The following RIMBP2 variants were observed in gnomAD, a reference collection of about 807,000 sequenced individuals.
RIMBP2 encodes RIMS-binding protein 2.
RIMBP2 carries 48 observed loss-of-function variants against 118.6 expected under a neutral mutation model. The ratio of observed to expected loss-of-function variants is 0.40; its 90% confidence interval spans 0.32 to 0.51. The LOEUF (loss-of-function observed/expected upper bound fraction) is 0.51. RIMBP2 is among the 20% of genes least tolerant of loss of function. RIMBP2 has a pLI of 0.41. For missense variants in RIMBP2, 1,551 were observed against 1,768.3 expected (o/e 0.88, Z 2.20); for synonymous variants, 762 against 742.9 (o/e 1.03, Z -0.42).
At chr12:130,535,525 A>G (rs1049332187) in intron 2 of RIMBP2, among the ~76,000 whole-genome samples, 2 of 151,702 alleles carry the variant, frequency 1.3e-5, no homozygotes, top group African/African-American at 4.8e-5. Flanking sequence ...CTCTAAAAAT[A>G]ATAATATTAA....
intron 8 of RIMBP2, 145 bp downstream of exon 8, chr12:130,451,050 G>A (rs1342150566): frequency 2.1e-6 from 2 of 938,344 alleles, no homozygotes; most frequent in African/African-American, 1.6e-5. Context: ...TAGGGCAAGG[G>A]AATTAACAGG....
At chr12:130,426,191 G>A (rs2076776199) in intron 15 of RIMBP2, 1 of 152,236 alleles carries the variant, frequency 6.6e-6, no homozygotes, top group African/African-American at 2.4e-5. Context: ...TGCCACGTGA[G>A]AACGTGTGCG....
intron 1 of RIMBP2, among the ~76,000 whole-genome samples, chr12:130,642,506 A>G (rs1052891011): frequency 3.3e-5 from 5 of 152,036 alleles, no homozygotes; most frequent in Admixed American, 2.6e-4. Context: ...GCTGGTCTTG[A>G]ACTCCTGACC....
intron 2 of RIMBP2, among the ~76,000 whole-genome samples, chr12:130,527,487 C>A (rs571369791): frequency 8.2e-6 from 1 of 121,808 alleles, no homozygotes; most frequent in Non-Finnish European, 1.9e-5. Context: ...GCACATGGTG[C>A]TATTTAAAAA....
chr12:130,538,446 TAAGA>T (rs1367236135), intron 2 of RIMBP2, among the ~76,000 whole-genome samples: 1 of 152,018 alleles, frequency 6.6e-6, no homozygotes, highest in Non-Finnish European at 1.5e-5. Flanking sequence ...TGAGATGATT[TAAGA>T]AAGATCACAC....
At chr12:130,533,394 G>C (rs1297485322) in intron 2 of RIMBP2, among the ~76,000 whole-genome samples, 1 of 152,158 alleles carries the variant, frequency 6.6e-6, no homozygotes, top group Non-Finnish European at 1.5e-5. Context: ...TGATGAAAAA[G>C]TCAAAAAATA....
chr12:130,685,959 G>A (rs1426528344), intron 1 of RIMBP2, among the ~76,000 whole-genome samples: 3 of 152,068 alleles, frequency 2.0e-5, no homozygotes, highest in African/African-American at 7.2e-5. Flanking sequence ...ATGAGCCCCA[G>A]AAGGCCCCCA....
intron 1 of RIMBP2, among the ~76,000 whole-genome samples, chr12:130,704,832 C>T (rs2136810174): frequency 6.6e-6 from 1 of 152,266 alleles, no homozygotes; most frequent in African/African-American, 2.4e-5. Flanking sequence ...CAGGTCCTGG[C>T]ATCGCTGCTC....
chr12:130,564,331 G>T (rs78839844), intron 2 of RIMBP2, among the ~76,000 whole-genome samples: 2 of 151,682 alleles, frequency 1.3e-5, no homozygotes, highest in African/African-American at 2.4e-5. Context: ...TCAGCACTGT[G>T]TTTTTTTCCC....
At chr12:130,516,328 C>T (rs937993355) in intron 3 of RIMBP2, among the ~76,000 whole-genome samples, 1 of 152,216 alleles carries the variant, frequency 6.6e-6, no homozygotes, top group Non-Finnish European at 1.5e-5. Flanking sequence ...AACAACCCAT[C>T]ATTCAATAGA....
chr12:130,579,136 C>T (rs927587978), intron 2 of RIMBP2, among the ~76,000 whole-genome samples: 1 of 152,130 alleles, frequency 6.6e-6, no homozygotes, highest in Non-Finnish European at 1.5e-5. Context: ...GCTCACACGG[C>T]ACGTCTGAGC....
chr12:130,613,961 G>A (rs938076321), intron 2 of RIMBP2, among the ~76,000 whole-genome samples: 1 of 152,114 alleles, frequency 6.6e-6, no homozygotes, highest in African/African-American at 2.4e-5. Context: ...AGGGAGGCAG[G>A]TCCTTTCAGC....
rs749927630 is a variant in RIMBP2, at chr12:130,434,990, C to A, written c.2107-110G>T. 3.0e-4 allele frequency: 351 copies of A among 1,171,536 alleles called. No homozygotes were observed. The highest frequency in any genetic ancestry group is 3.9e-4 in the Non-Finnish European group (330 of 841,606). The allele number at this position is 1,171,536 out of a possible 1,614,324, so 72.6% of individuals were successfully genotyped here. A position where few individuals can be genotyped will look rare whatever the true frequency, so the allele number is the denominator to read the frequency against. On this transcript the variant is annotated intron_variant, in intron 13 of 22. Coordinates refer to ENST00000690449, the MANE Select transcript of RIMBP2 (RefSeq NM_001393629.1). The surrounding 1 kb of genome is among the most constrained non-coding windows in gnomAD (Gnocchi z 5.7). ...CCCCTCAGAGCCTGGCCAGGCACCC[C>A]CCACACAGTGCTTTGGGCCCAGCTC...
intron 6 of RIMBP2, among the ~76,000 whole-genome samples, chr12:130,468,111 G>C (rs2080668292): frequency 6.6e-6 from 1 of 152,186 alleles, no homozygotes; most frequent in African/African-American, 2.4e-5. Context: ...GCACACCACA[G>C]GTGGTTCTTT....
intron 1 of RIMBP2, among the ~76,000 whole-genome samples, chr12:130,686,650 G>A (rs953223302): frequency 1.3e-5 from 2 of 152,246 alleles, no homozygotes; most frequent in African/African-American, 4.8e-5. Context: ...CTGGCCCCGG[G>A]CCACGCGCAC....
At chr12:130,503,876 A>G (rs1291135683) in intron 4 of RIMBP2, among the ~76,000 whole-genome samples, 4 of 152,206 alleles carry the variant, frequency 2.6e-5, no homozygotes, top group African/African-American at 4.8e-5. Flanking sequence ...CACTTCCTTC[A>G]TATCACTTCA....
chr12:130,690,576 T>C (rs1198043044), intron 1 of RIMBP2, among the ~76,000 whole-genome samples: 1 of 152,216 alleles, frequency 6.6e-6, no homozygotes, highest in Non-Finnish European at 1.5e-5. Flanking sequence ...CATCCCCTTT[T>C]GGCTAATTCC....
Position 130,419,500 on chromosome 12 carries a change from A to C in RIMBP2, c.3238+2953T>G, listed in dbSNP as rs944449682. On this transcript the variant is annotated intron_variant, in intron 17 of 22. Transcript: ENST00000690449. This position sits in a 1 kb window ranked among gnomAD's most constrained non-coding sequence, Gnocchi z 4.3. ...GTCCGTTGTAATTTCTATGGAGATA[A>C]AGGGAATCATCTATTAAACAGAGTT... 2 of 152,224 alleles carry C rather than the reference A, an allele frequency of 1.3e-5. No homozygotes were observed. Among genetic ancestry groups the C allele is most frequent in the African/African-American group, 4.8e-5 (2 of 41,460 alleles). The allele number at this position is 152,224 out of a possible 1,614,324, so 9.4% of individuals were successfully genotyped here.
intron 4 of RIMBP2, among the ~76,000 whole-genome samples, chr12:130,497,851 G>C (rs929876431): frequency 2.6e-5 from 4 of 152,208 alleles, no homozygotes; most frequent in African/African-American, 9.7e-5. Context: ...GACCTAAGAG[G>C]AGGACTGACT....
Sources: allele counts gnomAD v4.1 joint callset (sites outside exome capture counted in the v4.1 genomes callset), GRCh38; gene constraint gnomAD v4.1.1; non-coding constraint Gnocchi (gnomAD v3.1); transcripts MANE v1.5; gene names NCBI Gene and HGNC (gene_info 2026-07-23, HGNC 2026-07-21).